Variants in KLHL29 observed in about 807,000 individuals in gnomAD.
The protein encoded by KLHL29 is kelch like family member 29.
In KLHL29, 21 loss-of-function variants were observed where a neutral mutation model predicts 80.4. The ratio of observed to expected loss-of-function variants is 0.26; its 90% CI spans 0.19 to 0.38. The LOEUF (loss-of-function observed/expected upper bound fraction) is 0.38, where lower values mean the gene tolerates loss of function less well. Among genes scored for constraint, KLHL29 ranks in the 10% least tolerant of loss-of-function variants. The pLI, the probability that KLHL29 is intolerant of heterozygous loss-of-function variation, is 1.00. For missense variants in KLHL29, 867 were observed against 1,223.9 expected (o/e 0.71, Z 4.35); for synonymous variants, 511 against 526.8 (o/e 0.97, Z 0.41).
chr2:23,530,481 C>A (rs1295481653), intron 2 of KLHL29, among the ~76,000 whole-genome samples: 1 of 152,190 alleles, frequency 6.6e-6, no homozygotes, highest in Non-Finnish European at 1.5e-5. Flanking sequence ...AGGAGCCCTC[C>A]CCCAGCTGTA....
At chr2:23,526,395 G>A (rs1426208578) in intron 2 of KLHL29, among the ~76,000 whole-genome samples, 3 of 152,258 alleles carry the variant, frequency 2.0e-5, no homozygotes, top group African/African-American at 4.8e-5. Context: ...CAGCCCATGC[G>A]TGACTAAGGA....
chr2:23,408,957 T>G (rs1181430115), intron 1 of KLHL29, among the ~76,000 whole-genome samples: 3 of 152,140 alleles, frequency 2.0e-5, no homozygotes, highest in African/African-American at 7.2e-5. Flanking sequence ...ACCTTTCAGA[T>G]AGGAGTTTGG....
At chr2:23,559,691 G>A (rs970971831) in intron 2 of KLHL29, among the ~76,000 whole-genome samples, 6 of 152,038 alleles carry the variant, frequency 3.9e-5, no homozygotes, top group Non-Finnish European at 8.8e-5. Flanking sequence ...AGGTACCTGT[G>A]GAACAGCTGG....
chr2:23,413,559 C>T (rs2103396732), intron 1 of KLHL29, among the ~76,000 whole-genome samples: 1 of 152,284 alleles, frequency 6.6e-6, no homozygotes, highest in Admixed American at 6.5e-5. Context: ...TCTTCCCTCT[C>T]CCAATGCCTC....
At chr2:23,615,344 C>G (rs1668977740) in intron 3 of KLHL29, among the ~76,000 whole-genome samples, 1 of 152,212 alleles carries the variant, frequency 6.6e-6, no homozygotes, top group African/African-American at 2.4e-5. Flanking sequence ...ACCCCACTTC[C>G]AGAGGAGGTT....
At chr2:23,389,226 C>T (rs769467457) in intron 1 of KLHL29, among the ~76,000 whole-genome samples, 2 of 152,112 alleles carry the variant, frequency 1.3e-5, no homozygotes, top group Non-Finnish European at 2.9e-5. Context: ...CATTGTAAGT[C>T]CACTGAACAG....
At chr2:23,440,731 C>G (rs1663490768) in intron 1 of KLHL29, among the ~76,000 whole-genome samples, 1 of 152,024 alleles carries the variant, frequency 6.6e-6, no homozygotes, top group South Asian at 2.1e-4. Flanking sequence ...TGAAAAAATG[C>G]TCATCATCAC....
chr2:23,591,606 A>G (rs1668262716), intron 3 of KLHL29, among the ~76,000 whole-genome samples: 1 of 150,048 alleles, frequency 6.7e-6, no homozygotes, highest in Non-Finnish European at 1.5e-5. Flanking sequence ...AAACCTCTCC[A>G]CTGTCCATCC....
intron 3 of KLHL29, among the ~76,000 whole-genome samples, chr2:23,585,129 C>A (rs1048920848): frequency 1.3e-5 from 2 of 152,196 alleles, no homozygotes; most frequent in Non-Finnish European, 2.9e-5. Context: ...TGGGTACACA[C>A]CCGAGTGGGC....
Position 23,562,385 on chromosome 2 carries a change from G to A in KLHL29, c.189G>A (p.Leu63=). The change falls in exon 3 of 14, where the codon CTG becomes CTA. Residue 63 remains leucine, a synonymous_variant. Coordinates refer to ENST00000486442, the MANE Select transcript of KLHL29 (RefSeq NM_052920.2). This position sits in a 1 kb window ranked among gnomAD's most constrained non-coding sequence, Gnocchi z 4.5. ...LLPLPVVPSR[L]PTPATAPAPC... ...CGCTGCCCGTGGTGCCCTCCCGGCT[G>A]CCCACCCCGGCTACAGCTCCTGCTC... The A allele has an allele frequency of 6.5e-7, 1 of 1,539,354 alleles. No homozygotes were observed. The highest frequency in any genetic ancestry group is 8.7e-7 in the Non-Finnish European group (1 of 1,145,996).
chr2:23,511,967 CAA>C (rs935001508), intron 2 of KLHL29, among the ~76,000 whole-genome samples: 3 of 152,082 alleles, frequency 2.0e-5, no homozygotes, highest in African/African-American at 7.2e-5. Context: ...TCCCGGCCAA[CAA>C]AGAGTTGACA....
At chr2:23,531,080 G>A (rs1204409336) in intron 2 of KLHL29, among the ~76,000 whole-genome samples, 2 of 152,116 alleles carry the variant, frequency 1.3e-5, no homozygotes, top group African/African-American at 4.8e-5. Flanking sequence ...ACACCTGGAT[G>A]CACAGTGAGG....
intron 1 of KLHL29, among the ~76,000 whole-genome samples, chr2:23,403,447 C>T (rs1246987408): frequency 3.3e-5 from 5 of 152,176 alleles, no homozygotes; most frequent in African/African-American, 1.2e-4. Flanking sequence ...GGATTCTCTT[C>T]CATGCTGGGG....
At chr2:23,514,958 T>G (rs1558367904) in intron 2 of KLHL29, among the ~76,000 whole-genome samples, 1 of 152,130 alleles carries the variant, frequency 6.6e-6, no homozygotes, top group African/African-American at 2.4e-5. Context: ...TTAATCTCAG[T>G]AGAATTTCAC....
At chr2:23,496,932 T>C (rs2103451927) in intron 2 of KLHL29, among the ~76,000 whole-genome samples, 1 of 152,298 alleles carries the variant, frequency 6.6e-6, no homozygotes, top group Admixed American at 6.5e-5. Flanking sequence ...TCAAGAAGAA[T>C]TGCAATTGTC....
At chr2:23,409,812 A>G (rs1290254032) in intron 1 of KLHL29, among the ~76,000 whole-genome samples, 8 of 152,244 alleles carry the variant, frequency 5.3e-5, no homozygotes, top group African/African-American at 7.2e-5. Flanking sequence ...AATAAACACT[A>G]TGAAGGAAGA....
At chr2:23,433,043 C>G (rs1663228465) in intron 1 of KLHL29, among the ~76,000 whole-genome samples, 1 of 152,180 alleles carries the variant, frequency 6.6e-6, no homozygotes, top group Admixed American at 6.5e-5. Context: ...TGCTGACATT[C>G]AGAGTGTGTG....
At chr2:23,670,606 C>T (rs989186081) in intron 5 of KLHL29, among the ~76,000 whole-genome samples, 1 of 152,170 alleles carries the variant, frequency 6.6e-6, no homozygotes, top group Non-Finnish European at 1.5e-5. Flanking sequence ...ACCTGGAGGG[C>T]ACAATTCCAC....
intron 3 of KLHL29, among the ~76,000 whole-genome samples, chr2:23,609,263 C>T (rs1009350843): frequency 6.6e-6 from 1 of 152,138 alleles, no homozygotes; most frequent in Non-Finnish European, 1.5e-5. Context: ...AGTGGCAGGG[C>T]ACTGTGTCTA....
Sources: gnomAD v4.1 joint callset for allele counts (sites outside exome capture counted in the v4.1 genomes callset) on GRCh38, gnomAD v4.1.1 for gene constraint, Gnocchi (gnomAD v3.1) non-coding constraint, MANE v1.5 for transcripts, NCBI Gene and HGNC (gene_info 2026-07-23, HGNC 2026-07-21) for gene names.